The following ABCA8 variants were observed in gnomAD, a reference collection of about 807,000 sequenced individuals.
The protein encoded by ABCA8 is ABC-type organic anion transporter ABCA8.
In ABCA8, 177 loss-of-function variants were observed where a neutral mutation model predicts 192.3. The ratio of observed to expected loss-of-function variants is 0.92; its 90% CI spans 0.81 to 1.04. ABCA8 has a LOEUF of 1.04. ABCA8 is among the 50% of genes least tolerant of loss of function. The pLI, the probability that ABCA8 is intolerant of heterozygous loss-of-function variation, is 0.00. For missense variants in ABCA8, 1,915 were observed against 1,904.8 expected (o/e 1.01, Z -0.10); for synonymous variants, 642 against 690.2 (o/e 0.93, Z 1.09).
At chr17:68,915,334 A>G (rs558112129) in intron 17 of ABCA8, among the ~76,000 whole-genome samples, 45 of 152,288 alleles carry the variant, frequency 3.0e-4, no homozygotes, top group African/African-American at 9.6e-4. Flanking sequence ...TCAAGTAAAG[A>G]GACAACTCAT....
rs768846878 is a variant in ABCA8 at position 68,876,682 on chromosome 17, C to A, written c.4221G>T (p.Leu1407=). The part of the protein sequence containing the change: ...AITRLVDALK[L]QDQLKSPVKT... Reference sequence around the variant, plus strand: ...TCACGGGAGACTTCAGCTGGTCCTGCAGCTTGAGCGCATCCACTAACCTGA... The same window carrying A: ...TCACGGGAGACTTCAGCTGGTCCTGAAGCTTGAGCGCATCCACTAACCTGA... The change falls in exon 34 of 40, where the codon CTG becomes CTT. Residue 1407 remains leucine (L), a synonymous_variant. Coordinates refer to ENST00000586539, the MANE Select transcript of ABCA8 (RefSeq NM_001288985.2). 3.7e-6 allele frequency: 6 copies of A among 1,614,172 alleles called. No homozygotes were observed. In the East Asian group the frequency reaches 1.3e-4, roughly 36 times the overall value.
At chr17:68,928,178 T>A in intron 9 of ABCA8, 115 bp from the exon 10 acceptor site, 1 of 792,742 alleles carries the variant, frequency 1.3e-6, no homozygotes, top group Non-Finnish European at 1.8e-6. Context: ...AGAATAGAGT[T>A]ATATAGGGAG....
chr17:68,897,286 G>A (rs922922388), intron 21 of ABCA8, among the ~76,000 whole-genome samples: 1 of 152,166 alleles, frequency 6.6e-6, no homozygotes, highest in Non-Finnish European at 1.5e-5. Flanking sequence ...TAATGCACAT[G>A]GCCAAAGTTA....
intron 7 of ABCA8, among the ~76,000 whole-genome samples, chr17:68,931,309 A>C (rs897382544): frequency 3.3e-5 from 5 of 152,190 alleles, no homozygotes; most frequent in African/African-American, 4.8e-5. Context: ...CATTACACCA[A>C]TGACAGTTTA....
chr17:68,954,551 T>C (rs1318034268), intron 1 of ABCA8, among the ~76,000 whole-genome samples: 2 of 152,188 alleles, frequency 1.3e-5, no homozygotes, highest in Non-Finnish European at 2.9e-5. Flanking sequence ...CTTATACTGT[T>C]GTAAAATTCA....
Position 68,902,749 on chromosome 17 carries a change from C to G in ABCA8, c.2728G>C (p.Asp910His). 1 of 1,613,702 alleles carries G rather than the reference C, an allele frequency of 6.2e-7. No individual in the cohort carries two copies. The highest frequency in any genetic ancestry group is 8.5e-7 in the Non-Finnish European group (1 of 1,179,726). ...ATGATCAGTAGTTGAGTGAGAGGGT[C>G]ATGTGGTTGTTGTCCAGGAGCAAGG... ...YFLAPGQQPH[D>H]PLTQLLIINK... The change falls in exon 21 of 40, where the codon GAC becomes CAC. Residue 910 changes from aspartate to histidine, a missense_variant. Transcript: ENST00000586539.
intron 3 of ABCA8, 83 bp downstream of exon 3, chr17:68,941,856 G>T (rs2068238517): frequency 1.1e-6 from 1 of 909,826 alleles, no homozygotes; most frequent in East Asian, 2.5e-5. Context: ...TGTGTCGGGG[G>T]AGATACACAT....
intron 7 of ABCA8, 62 bp downstream of exon 7, chr17:68,932,226 A>G (rs1006306164): frequency 7.6e-6 from 10 of 1,313,726 alleles, no homozygotes; most frequent in Non-Finnish European, 9.5e-6. Context: ...AAAAAGATGC[A>G]TTGAAGATTC....
At chr17:68,924,956 C>G in intron 10 of ABCA8, 87 bp from the exon 11 acceptor site, 1 of 1,396,088 alleles carries the variant, frequency 7.2e-7, no homozygotes, top group Admixed American at 2.1e-5. Context: ...CAACACAGCC[C>G]TTTGTTGCTA....
In ABCA8 at chr17:68,875,319, T is replaced by A; in HGVS notation, c.4572A>T (p.Gln1524His). The A allele has an allele frequency of 1.2e-6, 2 of 1,614,156 alleles. No individual in the cohort carries two copies. The highest frequency in any genetic ancestry group is 1.7e-6 in the Non-Finnish European group (2 of 1,180,024). The change falls in exon 37 of 40, where the codon CAA (glutamine) becomes CAT (histidine). Residue 1524 changes from glutamine to histidine, a missense_variant. Coordinates refer to ENST00000586539, the MANE Select transcript of ABCA8 (RefSeq NM_001288985.2). ...GGATCTCTGCATGGAGGGGCTCCAC[T>A]TGTGCCAGGTTCTTCACCTTCATCT... is the stretch of plus-strand genomic sequence containing the variant. ...LLEMKVKNLA[Q>H]VEPLHAEILR...
chr17:68,932,604 T>C (rs2067934704), intron 6 of ABCA8, 90 bp from the exon 7 acceptor site: 1 of 948,394 alleles, frequency 1.1e-6, no homozygotes, highest in Non-Finnish European at 1.6e-6. Context: ...GGATGTATGA[T>C]TGGCCTATTG....
At chr17:68,919,030 C>T (rs1477066519) in intron 14 of ABCA8, among the ~76,000 whole-genome samples, 1 of 151,368 alleles carries the variant, frequency 6.6e-6, no homozygotes, top group Non-Finnish European at 1.5e-5. Context: ...AAGTTCCTTG[C>T]TCTCTTGAAC....
intron 17 of ABCA8, among the ~76,000 whole-genome samples, chr17:68,913,667 T>C (rs2067278663): frequency 6.6e-6 from 1 of 152,202 alleles, no homozygotes; most frequent in South Asian, 2.1e-4. Flanking sequence ...ACGTACAATC[T>C]ACCAAGATTG....
intron 37 of ABCA8, among the ~76,000 whole-genome samples, chr17:68,872,100 T>C (rs1445517315): frequency 2.0e-5 from 3 of 152,088 alleles, no homozygotes; most frequent in South Asian, 2.1e-4. Flanking sequence ...CAAAGGACTA[T>C]AAATCATGCT....
chr17:68,893,014 ATAAATT>A (rs1291773216), intron 23 of ABCA8, among the ~76,000 whole-genome samples: 1 of 152,236 alleles, frequency 6.6e-6, no homozygotes, highest in Non-Finnish European at 1.5e-5. Context: ...GCCTCTAAAA[ATAAATT>A]TAAAAGAATG....
At chr17:68,913,690 A>C (rs1040882343) in intron 17 of ABCA8, among the ~76,000 whole-genome samples, 1 of 152,112 alleles carries the variant, frequency 6.6e-6, no homozygotes, top group African/African-American at 2.4e-5. Context: ...CCGTGAAGAA[A>C]TCCAAAACCT....
intron 1 of ABCA8, among the ~76,000 whole-genome samples, chr17:68,951,246 C>G (rs937153003): frequency 2.0e-5 from 3 of 152,170 alleles, no homozygotes; most frequent in African/African-American, 7.2e-5. Context: ...TTAGGATTAC[C>G]TCTTTAGCAT....
At chr17:68,941,695 G>A (rs1303860401) in intron 3 of ABCA8, among the ~76,000 whole-genome samples, 1 of 152,122 alleles carries the variant, frequency 6.6e-6, no homozygotes, top group Non-Finnish European at 1.5e-5. Flanking sequence ...TTTAAAACAT[G>A]TATTGATTTC....
At chr17:68,927,565 A>G (rs2067735573) in intron 10 of ABCA8, among the ~76,000 whole-genome samples, 1 of 152,140 alleles carries the variant, frequency 6.6e-6, no homozygotes, top group Non-Finnish European at 1.5e-5. Flanking sequence ...GGAGCTCAGA[A>G]CCATCGAGCT....
Sources: allele counts gnomAD v4.1 joint callset (sites outside exome capture counted in the v4.1 genomes callset), GRCh38; gene constraint gnomAD v4.1.1; transcripts MANE v1.5; gene names NCBI Gene and HGNC (gene_info 2026-07-23, HGNC 2026-07-21).